Variants in MTUS2 observed in about 807,000 individuals in gnomAD.
MTUS2 encodes the protein microtubule associated scaffold protein 2.
MTUS2 carries 40 observed loss-of-function variants against 114.1 expected under a neutral mutation model. That is an observed-to-expected ratio of 0.35 (90% CI 0.27 to 0.46). The LOEUF (loss-of-function observed/expected upper bound fraction) is 0.46, where lower values mean the gene tolerates loss of function less well. Ranked by LOEUF, MTUS2 falls within the 20% of genes least tolerant of loss-of-function variation. The pLI is 1.00. For missense variants in MTUS2, 1,679 were observed against 1,705.4 expected (o/e 0.98, Z 0.27); for synonymous variants, 688 against 672.0 (o/e 1.02, Z -0.37).
At chr13:29,443,514 G>T (rs1222577470) in intron 9 of MTUS2, among the ~76,000 whole-genome samples, 1 of 152,218 alleles carries the variant, frequency 6.6e-6, no homozygotes, top group Non-Finnish European at 1.5e-5. Context: ...AGATGAAAAA[G>T]CTACTGGAGG....
intron 4 of MTUS2, among the ~76,000 whole-genome samples, chr13:29,083,154 C>T (rs1313340101): frequency 6.6e-6 from 1 of 152,114 alleles, no homozygotes; most frequent in Non-Finnish European, 1.5e-5. Context: ...CTGCAGTTTA[C>T]CAGGTAATTT....
intron 2 of MTUS2, among the ~76,000 whole-genome samples, chr13:28,946,767 C>T (rs530040748): frequency 1.3e-5 from 2 of 151,806 alleles, no homozygotes; most frequent in Non-Finnish European, 2.9e-5. Flanking sequence ...CCAGGCTGGT[C>T]TTCAATTCCT....
At chr13:28,970,203 A>G (rs1439315688) in intron 2 of MTUS2, among the ~76,000 whole-genome samples, 1 of 147,840 alleles carries the variant, frequency 6.8e-6, no homozygotes, top group Non-Finnish European at 1.5e-5. Context: ...AATTCCAGTA[A>G]TACCATTGTC....
chr13:29,351,511 G>T (rs554307284), intron 7 of MTUS2, among the ~76,000 whole-genome samples: 1 of 152,008 alleles, frequency 6.6e-6, no homozygotes, highest in East Asian at 1.9e-4. Flanking sequence ...TCCCCATCCC[G>T]GTTCCCGTGC....
At position 28,846,573 on chromosome 13, in the gene MTUS2, A is replaced by G. The variant is rs368582494; in HGVS notation, c.-243+6723A>G. Reference sequence around the variant, plus strand: ...CACAGACTATTATAGATGTGCAAATAATATGCCACTTACAGTGCGTTTTTA... The same window carrying G: ...CACAGACTATTATAGATGTGCAAATGATATGCCACTTACAGTGCGTTTTTA... On this transcript the variant is annotated intron_variant, in intron 2 of 15. Coordinates refer to ENST00000612955, the MANE Select transcript of MTUS2 (RefSeq NM_001033602.4). 3.3e-5 allele frequency among the ~76,000 whole-genome samples: 5 copies of G among 152,338 alleles called. No individual in the cohort carries two copies. In the East Asian group the frequency reaches 5.8e-4, roughly 18 times the overall value.
intron 7 of MTUS2, among the ~76,000 whole-genome samples, chr13:29,358,499 T>C (rs1869942661): frequency 6.6e-6 from 1 of 152,202 alleles, no homozygotes; most frequent in African/African-American, 2.4e-5. Context: ...GTGGACTTCC[T>C]ATTCATCGTG....
intron 2 of MTUS2, among the ~76,000 whole-genome samples, chr13:28,970,111 GCCAT>G (rs1883784845): frequency 6.6e-6 from 1 of 152,140 alleles, no homozygotes; most frequent in Non-Finnish European, 1.5e-5. Context: ...GTTAACTATA[GCCAT>G]CCTACAGTGA....
chr13:29,092,068 A>G (rs144913362), intron 4 of MTUS2, among the ~76,000 whole-genome samples: 27 of 152,340 alleles, frequency 1.8e-4, no homozygotes, highest in African/African-American at 6.5e-4. Flanking sequence ...AAGAGTGATT[A>G]TGATAGCAGC....
At chr13:29,344,940 C>T (rs1026537458) in intron 7 of MTUS2, among the ~76,000 whole-genome samples, 26 of 152,158 alleles carry the variant, frequency 1.7e-4, no homozygotes, top group Non-Finnish European at 2.9e-5. Context: ...GGATACAAAA[C>T]TCATGGCTGA....
At chr13:29,048,078 A>C (rs1282095107) in intron 4 of MTUS2, among the ~76,000 whole-genome samples, 1 of 152,114 alleles carries the variant, frequency 6.6e-6, no homozygotes, top group Non-Finnish European at 1.5e-5. Context: ...TGGTTGTTTC[A>C]CTTTTTGCCT....
intron 5 of MTUS2, among the ~76,000 whole-genome samples, chr13:29,212,366 T>A (rs200385126): frequency 6.7e-6 from 1 of 149,102 alleles, no homozygotes; most frequent in African/African-American, 2.5e-5. Context: ...TGACACCACA[T>A]GTGTGGGGTT....
intron 5 of MTUS2, among the ~76,000 whole-genome samples, chr13:29,248,834 T>C (rs1897020195): frequency 6.6e-6 from 1 of 152,212 alleles, no homozygotes; most frequent in Admixed American, 6.5e-5. Flanking sequence ...TGCATAGTAT[T>C]CCATGGTTTA....
At chr13:29,052,620 T>G (rs1887955081) in intron 4 of MTUS2, among the ~76,000 whole-genome samples, 1 of 152,158 alleles carries the variant, frequency 6.6e-6, no homozygotes, top group Non-Finnish European at 1.5e-5. Context: ...AAATAGAAGT[T>G]AAGTAAGCTA....
chr13:28,838,306 T>C (rs1875231128), intron 1 of MTUS2, among the ~76,000 whole-genome samples: 1 of 152,222 alleles, frequency 6.6e-6, no homozygotes, highest in Non-Finnish European at 1.5e-5. Context: ...GGTACCCAAA[T>C]GGCCTTGATT....
intron 2 of MTUS2, among the ~76,000 whole-genome samples, chr13:28,882,722 G>T (rs1296429230): frequency 6.6e-6 from 1 of 152,120 alleles, no homozygotes; most frequent in African/African-American, 2.4e-5. Flanking sequence ...GGGTGACAGG[G>T]TGAGATCCTG....
In MTUS2 at chr13:29,493,022, G is replaced by T. The variant is rs571217781; in HGVS notation, c.3579+303G>T. Among the ~76,000 whole-genome samples the T allele has an allele frequency of 5.3e-5, 8 of 152,322 alleles. No individual in the cohort carries two copies. In the South Asian group the frequency reaches 1.2e-3, roughly 24 times the overall value. ...TGGTGTGGTCTGGAGTATCCAAGGA[G>T]TAACTGAGCTATGTTCAAAGCAAGA... On this transcript the variant is annotated intron_variant, in intron 12 of 15. Transcript: ENST00000612955.
rs1187389891 is a variant in MTUS2 at position 29,389,413 on chromosome 13, GTGTGTGTATGTATACACGTGTGTGTA to G, written c.3117+29946_3117+29971del. 4.4e-4 allele frequency among the ~76,000 whole-genome samples: 30 copies of G among 68,002 alleles called. 5 individuals are homozygous for G. Among genetic ancestry groups the G allele is most frequent in the African/African-American group, 1.1e-3 (13 of 11,796 alleles). The allele number at this position is 68,002 out of a possible 152,430, so 44.6% of individuals were successfully genotyped here. The stretch of plus-strand genomic sequence containing the variant: ...CGTGTGTGTATATATGTATACACGT[GTGTGTGTATGTATACACGTGTGTGTA>G]TGTGTATGTATACACGTGTGTGTAT... On this transcript the variant is annotated intron_variant, in intron 8 of 15. Coordinates refer to ENST00000612955, the MANE Select transcript of MTUS2 (RefSeq NM_001033602.4).
chr13:28,881,265 T>G (rs539301245), intron 2 of MTUS2, among the ~76,000 whole-genome samples: 1 of 152,338 alleles, frequency 6.6e-6, no homozygotes, highest in East Asian at 1.9e-4. Flanking sequence ...CTTAGGATAA[T>G]GGCCTCCAGT....
chr13:28,925,019 A>G (rs1317995181), intron 2 of MTUS2, among the ~76,000 whole-genome samples: 5 of 152,080 alleles, frequency 3.3e-5, no homozygotes, highest in Non-Finnish European at 2.9e-5. Flanking sequence ...AAATTGCAAA[A>G]GAAATAATTT....
Sources: allele counts gnomAD v4.1 joint callset (sites outside exome capture counted in the v4.1 genomes callset), GRCh38; gene constraint gnomAD v4.1.1; transcripts MANE v1.5; gene names NCBI Gene and HGNC (gene_info 2026-07-23, HGNC 2026-07-21).